The following LRRC4C variants were observed in gnomAD, a reference collection of about 807,000 sequenced individuals.
LRRC4C encodes the protein leucine rich repeat containing 4C.
LRRC4C carries 5 observed loss-of-function variants against 33.6 expected under a neutral mutation model. That is an observed-to-expected ratio of 0.15 (90% CI 0.08 to 0.31). The LOEUF (loss-of-function observed/expected upper bound fraction) is 0.31. LRRC4C is among the 10% of genes least tolerant of loss of function. The pLI is 1.00. For missense variants in LRRC4C, 560 were observed against 796.7 expected, an observed-to-expected ratio of 0.70 and a Z score of 3.58; for synonymous variants, 329 against 302.0, an observed-to-expected ratio of 1.09 and a Z score of -0.93.
chr11:40,299,107 A>G (rs767691216), intron 4 of LRRC4C, among the ~76,000 whole-genome samples: 1 of 152,240 alleles, frequency 6.6e-6, no homozygotes. Context: ...TCCCTTATGA[A>G]TAACAAAGGT....
intron 2 of LRRC4C, among the ~76,000 whole-genome samples, chr11:40,680,560 A>G (rs999420506): frequency 1.6e-4 from 25 of 152,262 alleles, no homozygotes; most frequent in African/African-American, 5.8e-4. Context: ...CGTGATACTG[A>G]AAGGGTCTCA....
intron 2 of LRRC4C, among the ~76,000 whole-genome samples, chr11:40,731,452 A>C (rs1947580603): frequency 6.6e-6 from 1 of 152,296 alleles, no homozygotes; most frequent in Non-Finnish European, 1.5e-5. Context: ...AGGTCTCCCC[A>C]GAAGCCAAGC....
intron 1 of LRRC4C, among the ~76,000 whole-genome samples, chr11:40,959,302 G>A (rs1021179471): frequency 3.3e-5 from 5 of 151,604 alleles, no homozygotes; most frequent in African/African-American, 1.2e-4. Context: ...ATATAGCTAT[G>A]ATAAGCAAGA....
chr11:40,972,277 C>A (rs572149503), intron 1 of LRRC4C, among the ~76,000 whole-genome samples: 1 of 151,976 alleles, frequency 6.6e-6, no homozygotes, highest in East Asian at 1.9e-4. Context: ...GCTGGGATTA[C>A]AAGCATGTGC....
At chr11:40,637,790 G>C (rs1449477734) in intron 3 of LRRC4C, among the ~76,000 whole-genome samples, 1 of 152,124 alleles carries the variant, frequency 6.6e-6, no homozygotes, top group African/African-American at 2.4e-5. Flanking sequence ...TCTGCTAATT[G>C]TTCTCCCTTC....
intron 4 of LRRC4C, among the ~76,000 whole-genome samples, chr11:40,261,348 C>T (rs539490301): frequency 1.5e-4 from 23 of 151,988 alleles, no homozygotes; most frequent in Non-Finnish European, 2.8e-4. Flanking sequence ...TTTTCTGTCT[C>T]ATAATAAAAT....
chr11:41,392,387 G>A (rs1475209647), intron 1 of LRRC4C, among the ~76,000 whole-genome samples: 1 of 151,720 alleles, frequency 6.6e-6, no homozygotes, highest in Admixed American at 6.6e-5. Flanking sequence ...ATCTTCCACT[G>A]GGCTCTGTAT....
chr11:41,314,379 T>G (rs1175650076), intron 1 of LRRC4C, among the ~76,000 whole-genome samples: 1 of 152,192 alleles, frequency 6.6e-6, no homozygotes, highest in Non-Finnish European at 1.5e-5. Context: ...CTAGGCACCA[T>G]TAGTTGATAT....
chr11:41,388,407 G>T (rs750734150), intron 1 of LRRC4C, among the ~76,000 whole-genome samples: 4 of 151,842 alleles, frequency 2.6e-5, no homozygotes, highest in Non-Finnish European at 4.4e-5. Flanking sequence ...CCATTTAAAA[G>T]ACCTGACTTC....
At chr11:40,331,895 A>G (rs568803140) in intron 3 of LRRC4C, among the ~76,000 whole-genome samples, 1 of 152,256 alleles carries the variant, frequency 6.6e-6, no homozygotes, top group South Asian at 2.1e-4. Context: ...ACATAAGCCA[A>G]TTCTCATAAT....
Position 41,095,636 on chromosome 11 carries a change from C to A in LRRC4C, c.-495-161913G>T, listed in dbSNP as rs1430194945. Reference sequence around the variant, plus strand: ...TACAGAGGCATAGCCTCTTTCTAACCCTGGGATAGAAGTGGGAGTTGGAGT... The same window carrying A: ...TACAGAGGCATAGCCTCTTTCTAACACTGGGATAGAAGTGGGAGTTGGAGT... On this transcript the variant is annotated intron_variant, in intron 1 of 6. Transcript: ENST00000528697. Among the ~76,000 whole-genome samples the A allele has an allele frequency of 2.0e-5, 3 of 152,006 alleles. No individual in the cohort carries two copies. In the East Asian group the frequency reaches 5.8e-4, roughly 29 times the overall value.
At chr11:41,292,986 A>G (rs1397447442) in intron 1 of LRRC4C, among the ~76,000 whole-genome samples, 3 of 152,186 alleles carry the variant, frequency 2.0e-5, no homozygotes, top group Non-Finnish European at 2.9e-5. Flanking sequence ...TATTGAAAAA[A>G]TGGTTTAAAA....
chr11:40,656,101 A>C (rs1267086569), intron 2 of LRRC4C, among the ~76,000 whole-genome samples: 1 of 152,170 alleles, frequency 6.6e-6, no homozygotes, highest in South Asian at 2.1e-4. Flanking sequence ...GTAGGGACAC[A>C]GAGCCAAACC....
At chr11:40,451,577 G>A in intron 3 of LRRC4C, among the ~76,000 whole-genome samples, 1 of 151,366 alleles carries the variant, frequency 6.6e-6, no homozygotes, top group East Asian at 2.0e-4. Flanking sequence ...GTAGAGATGG[G>A]GGTTTCACTA....
At chr11:40,430,943 G>C (rs1476254615) in intron 3 of LRRC4C, among the ~76,000 whole-genome samples, 1 of 103,164 alleles carries the variant, frequency 9.7e-6, no homozygotes, top group South Asian at 4.0e-4. Flanking sequence ...TCTGGGGACC[G>C]TGGTGGGGTG....
At chr11:41,142,471 G>A (rs1425075526) in intron 1 of LRRC4C, among the ~76,000 whole-genome samples, 1 of 152,122 alleles carries the variant, frequency 6.6e-6, no homozygotes, top group Non-Finnish European at 1.5e-5. Flanking sequence ...CTGCTGGCTC[G>A]GGGACTGCAC....
At chr11:40,738,962 C>T (rs138089668) in intron 2 of LRRC4C, among the ~76,000 whole-genome samples, 71 of 151,836 alleles carry the variant, frequency 4.7e-4, no homozygotes, top group East Asian at 3.9e-4. Flanking sequence ...AAATGATTAA[C>T]GTAATCAAAC....
chr11:41,231,904 T>C (rs1002815702), intron 1 of LRRC4C, among the ~76,000 whole-genome samples: 4 of 151,852 alleles, frequency 2.6e-5, no homozygotes, highest in African/African-American at 9.7e-5. Flanking sequence ...GTGGATTTTC[T>C]TTGCCTATAG....
At chr11:40,367,003 T>A (rs1297209094) in intron 3 of LRRC4C, among the ~76,000 whole-genome samples, 1 of 152,080 alleles carries the variant, frequency 6.6e-6, no homozygotes, top group African/African-American at 2.4e-5. Flanking sequence ...CATAGAGAAA[T>A]GCAGCTCCTT....
Sources: gnomAD v4.1 joint callset for allele counts (sites outside exome capture counted in the v4.1 genomes callset) on GRCh38, gnomAD v4.1.1 for gene constraint, MANE v1.5 for transcripts, NCBI Gene and HGNC (gene_info 2026-07-23, HGNC 2026-07-21) for gene names.